Variants in MGAT4C observed in about 807,000 individuals in gnomAD.
MGAT4C encodes alpha-1,3-mannosyl-glycoprotein 4-beta-N-acetylglucosaminyltransferase C.
MGAT4C carries 19 observed loss-of-function variants against 40.1 expected under a neutral mutation model. The observed-to-expected ratio is 0.47, with a 90% CI of 0.33 to 0.70. The LOEUF (loss-of-function observed/expected upper bound fraction) is 0.70. Among genes scored for constraint, MGAT4C ranks in the 30% least tolerant of loss-of-function variants. The pLI is 0.02. For synonymous variants in MGAT4C, 181 were observed against 187.1 expected, an observed-to-expected ratio of 0.97 and a Z score of 0.27; for missense variants, 491 against 563.2, an observed-to-expected ratio of 0.87 and a Z score of 1.30.
chr12:86,401,437 G>A (rs1252810310), intron 3 of MGAT4C, among the ~76,000 whole-genome samples: 2 of 151,914 alleles, frequency 1.3e-5, no homozygotes, highest in Admixed American at 6.6e-5. Context: ...AAAATCACTG[G>A]ATTTTTCAAT....
intron 1 of MGAT4C, among the ~76,000 whole-genome samples, chr12:86,802,039 G>C (rs1952239228): frequency 6.6e-6 from 1 of 151,868 alleles, no homozygotes; most frequent in South Asian, 2.1e-4. Flanking sequence ...TTAGGAACTT[G>C]TCATGGTGAA....
intron 4 of MGAT4C, among the ~76,000 whole-genome samples, chr12:86,296,828 G>A (rs992966136): frequency 2.0e-5 from 3 of 152,218 alleles, no homozygotes; most frequent in Non-Finnish European, 4.4e-5. Flanking sequence ...GGCCAGCCCA[G>A]AAAGGGGCTC....
At chr12:86,834,883 C>T (rs1315097403) in intron 1 of MGAT4C, among the ~76,000 whole-genome samples, 1 of 151,894 alleles carries the variant, frequency 6.6e-6, no homozygotes, top group East Asian at 1.9e-4. Flanking sequence ...TCAGCAAGTA[C>T]TTGCTTTTGT....
chr12:86,095,758 A>T (rs1052061823), intron 1 of MGAT4C, among the ~76,000 whole-genome samples: 1 of 148,162 alleles, frequency 6.7e-6, no homozygotes, highest in African/African-American at 2.5e-5. Flanking sequence ...AATTCCTGTA[A>T]ATCAAACATT....
chr12:86,774,639 C>G (rs567478106), intron 1 of MGAT4C, among the ~76,000 whole-genome samples: 3 of 151,930 alleles, frequency 2.0e-5, no homozygotes, highest in Non-Finnish European at 4.4e-5. Context: ...AAATAATTCA[C>G]CACATTTATC....
At chr12:86,660,385 A>T (rs1216011951) in intron 2 of MGAT4C, among the ~76,000 whole-genome samples, 1 of 152,188 alleles carries the variant, frequency 6.6e-6, no homozygotes, top group Non-Finnish European at 1.5e-5. Flanking sequence ...AAACAAAAAG[A>T]TTCAAAGAGA....
At chr12:86,017,707 T>A (rs908100352) in intron 2 of MGAT4C, among the ~76,000 whole-genome samples, 8 of 152,108 alleles carry the variant, frequency 5.3e-5, no homozygotes. Flanking sequence ...GCCACGCAAT[T>A]TAGGGACAGA....
intron 1 of MGAT4C, among the ~76,000 whole-genome samples, chr12:86,071,759 A>G (rs1159831256): frequency 6.6e-6 from 1 of 152,152 alleles, no homozygotes; most frequent in Non-Finnish European, 1.5e-5. Flanking sequence ...AATAAAGCAC[A>G]TAATTAACTA....
chr12:86,477,162 A>G (rs745912106), intron 2 of MGAT4C, among the ~76,000 whole-genome samples: 10 of 152,054 alleles, frequency 6.6e-5, no homozygotes, highest in Non-Finnish European at 1.5e-4. Flanking sequence ...GGTTGTATTT[A>G]TAAGTAAAAT....
At chr12:86,656,385 C>CA (rs550888475) in intron 2 of MGAT4C, among the ~76,000 whole-genome samples, 70 of 151,894 alleles carry the variant, frequency 4.6e-4, no homozygotes, top group African/African-American at 1.1e-3. Context: ...TGATCAATAT[C>CA]AAAAAATGGT....
intron 1 of MGAT4C, among the ~76,000 whole-genome samples, chr12:86,211,247 A>G: frequency 6.7e-6 from 1 of 148,492 alleles, no homozygotes; most frequent in East Asian, 2.1e-4. Flanking sequence ...GCATATCCTA[A>G]CAAGGGCTTT....
intron 1 of MGAT4C, among the ~76,000 whole-genome samples, chr12:86,137,285 TA>T (rs1882112241): frequency 6.6e-6 from 1 of 152,154 alleles, no homozygotes; most frequent in African/African-American, 2.4e-5. Flanking sequence ...ATTTCATAAA[TA>T]AAAAAGCTGC....
intron 3 of MGAT4C, among the ~76,000 whole-genome samples, chr12:86,424,498 A>G (rs1317469806): frequency 6.6e-6 from 1 of 152,208 alleles, no homozygotes; most frequent in African/African-American, 2.4e-5. Flanking sequence ...CAAGGGTACC[A>G]TTCCACCAAT....
chr12:86,483,061 T>C (rs74593184), intron 2 of MGAT4C, among the ~76,000 whole-genome samples: 3 of 152,300 alleles, frequency 2.0e-5, no homozygotes, highest in African/African-American at 7.2e-5. Context: ...CAGAAATTTA[T>C]TTCTCACAGT....
chr12:86,686,523 T>A (rs1950074806), intron 2 of MGAT4C, among the ~76,000 whole-genome samples: 1 of 152,176 alleles, frequency 6.6e-6, no homozygotes, highest in Admixed American at 6.5e-5. Flanking sequence ...AATACCTAGT[T>A]TTTGAGTGTT....
rs368579798 is a variant in MGAT4C, at chr12:86,466,507, TA to T, written c.-228-31243del. 5.2e-4 allele frequency among the ~76,000 whole-genome samples: 79 copies of T among 152,310 alleles called. 1 individual carries two copies. In the East Asian group the frequency reaches 0.012, roughly 23 times the overall value. Reference sequence around the variant, plus strand: ...GATAAAGGAAAATCTATGGTGACAGTAAAAAGTCAGGTGATTGCCAGAGTGT... The same window carrying T: ...GATAAAGGAAAATCTATGGTGACAGTAAAAGTCAGGTGATTGCCAGAGTGT... On this transcript the variant is annotated intron_variant, in intron 2 of 7. Coordinates refer to the MGAT4C transcript ENST00000548651.
intron 2 of MGAT4C, among the ~76,000 whole-genome samples, chr12:86,478,509 A>C (rs1957880510): frequency 6.6e-6 from 1 of 152,110 alleles, no homozygotes; most frequent in Non-Finnish European, 1.5e-5. Flanking sequence ...AAATTGGCAA[A>C]TTTGCTGATA....
rs988898575 is a variant in MGAT4C at position 86,049,706 on chromosome 12, A to G, written c.-39T>C. 1.2e-5 allele frequency: 12 copies of G among 983,350 alleles called. No individual in the cohort carries two copies. The Admixed American group carries it at 1.8e-4, about 15-fold the overall frequency. 60.9% of individuals were successfully genotyped at this position (983,350 alleles called of 1,614,324 possible). A position where few individuals can be genotyped will look rare whatever the true frequency, so the allele number is the denominator to read the frequency against. Reference sequence around the variant, plus strand: ...AAGACGCTGTCATAATCTGTGCTGTACAGAAACCGTTGATACCCTGGAAAA... The same window carrying G: ...AAGACGCTGTCATAATCTGTGCTGTGCAGAAACCGTTGATACCCTGGAAAA... On this transcript the variant is annotated 5_prime_UTR_variant, in exon 2 of 5. Transcript: ENST00000611864.
chr12:86,569,803 G>A (rs910372162), intron 2 of MGAT4C, among the ~76,000 whole-genome samples: 2 of 152,022 alleles, frequency 1.3e-5, no homozygotes, highest in African/African-American at 4.8e-5. Context: ...ACTGGCAATC[G>A]ATGAAGGGAT....
Sources: allele counts gnomAD v4.1 joint callset (sites outside exome capture counted in the v4.1 genomes callset), GRCh38; gene constraint gnomAD v4.1.1; transcripts MANE v1.5; gene names NCBI Gene and HGNC (gene_info 2026-07-23, HGNC 2026-07-21).